The following LPA variants were observed in gnomAD, a reference collection of about 807,000 sequenced individuals.
LPA encodes the protein apolipoprotein(a).
A neutral mutation model predicts 197.9 loss-of-function variants in LPA; 199 were observed. The ratio of observed to expected loss-of-function variants is 1.01; its 90% CI spans 0.90 to 1.13. LPA has a LOEUF of 1.13. Among genes scored for constraint, LPA ranks in the 50% most tolerant of loss-of-function variants. The probability of loss-of-function intolerance (pLI) is 0.00; values close to 1 mark genes in which losing one functional copy is unlikely to be tolerated. For missense variants in LPA, 1,853 were observed against 1,785.8 expected, an observed-to-expected ratio of 1.04 and a Z score of -0.68; for synonymous variants, 715 against 639.5, an observed-to-expected ratio of 1.12 and a Z score of -1.78.
intron 34 of LPA, among the ~76,000 whole-genome samples, chr6:160,541,782 T>C (rs1331776216): frequency 6.6e-6 from 1 of 152,188 alleles, no homozygotes; most frequent in Non-Finnish European, 1.5e-5. Context: ...TGGCAGTATG[T>C]TGATAGTCAG....
At chr6:160,572,124 G>T (rs776212510) in intron 28 of LPA, among the ~76,000 whole-genome samples, 3 of 152,170 alleles carry the variant, frequency 2.0e-5, no homozygotes, top group Non-Finnish European at 2.9e-5. Flanking sequence ...TTTGGCTAGG[G>T]GAGGGAGTTC....
chr6:160,592,311 T>C (rs1779045582), intron 22 of LPA, among the ~76,000 whole-genome samples: 1 of 152,214 alleles, frequency 6.6e-6, no homozygotes, highest in Admixed American at 6.5e-5. Flanking sequence ...CCTACCATAA[T>C]ATCTAAACTG....
intron 2 of LPA, among the ~76,000 whole-genome samples, chr6:160,648,690 A>G (rs955255381): frequency 6.6e-6 from 1 of 151,948 alleles, no homozygotes; most frequent in African/African-American, 2.4e-5. Context: ...GAAATGTCTA[A>G]CTAGATGGGG....
Position 160,634,777 on chromosome 6 carries a change from C to T in LPA, c.1075+346G>A, listed in dbSNP as rs548511147. Among the ~76,000 whole-genome samples, 498 of 150,932 alleles carry T rather than the reference C, an allele frequency of 3.3e-3. 22 individuals are homozygous for T. Among genetic ancestry groups the T allele is most frequent in the African/African-American group, 0.012 (480 of 40,218 alleles). On this transcript the variant is annotated intron_variant, in intron 7 of 38. Coordinates refer to ENST00000316300, the MANE Select transcript of LPA (RefSeq NM_005577.4). The stretch of plus-strand genomic sequence containing the variant: ...CTGACTGCTGGCTACTTGAAGAAAT[C>T]CCCAGAAAAGCTTACTGCGACAGAA...
chr6:160,655,279 C>G (rs556898952), intron 1 of LPA, among the ~76,000 whole-genome samples: 21 of 152,200 alleles, frequency 1.4e-4, no homozygotes, highest in African/African-American at 4.8e-4. Flanking sequence ...CAGGGCCTTG[C>G]TCCAAAATCC....
At chr6:160,565,289 C>T (rs139706714) in intron 28 of LPA, among the ~76,000 whole-genome samples, 6,136 of 152,234 alleles carry the variant, frequency 0.04, 394 homozygotes, top group African/African-American at 0.14. Flanking sequence ...GGCCAACTGA[C>T]ACCTCATACA....
chr6:160,608,987 T>C (rs1160242099), intron 16 of LPA, among the ~76,000 whole-genome samples: 3 of 152,152 alleles, frequency 2.0e-5, no homozygotes, highest in Non-Finnish European at 4.4e-5. Context: ...AATTTTTTCT[T>C]TTAAGACATA....
intron 16 of LPA, among the ~76,000 whole-genome samples, chr6:160,609,067 G>T (rs1311952402): frequency 2.0e-5 from 3 of 151,916 alleles, no homozygotes; most frequent in Non-Finnish European, 4.4e-5. Context: ...TATTTTATCT[G>T]TTTTATTACA....
In LPA at chr6:160,547,945, A is replaced by G; in HGVS notation, c.5156-8T>C. 1 of 1,614,030 alleles carries G rather than the reference A, an allele frequency of 6.2e-7. No individual in the cohort carries two copies. Among genetic ancestry groups the G allele is most frequent in the Admixed American group, 1.7e-5 (1 of 60,014 alleles). ...CATTCCCAAACATACAGTCTGTAGA[A>G]AAAAATAAAAATAAAACAGATGATT... On this transcript the variant is annotated splice_region_variant and splice_polypyrimidine_tract_variant and intron_variant, in intron 31 of 38. Coordinates refer to ENST00000316300, the MANE Select transcript of LPA (RefSeq NM_005577.4).
intron 26 of LPA, among the ~76,000 whole-genome samples, chr6:160,579,287 T>C (rs1778745638): frequency 6.6e-6 from 1 of 152,156 alleles, no homozygotes; most frequent in South Asian, 2.1e-4. Flanking sequence ...AGTATTACTA[T>C]AAATACTGTA....
intron 1 of LPA, among the ~76,000 whole-genome samples, chr6:160,654,003 TAA>T (rs1562354665): frequency 0.017 from 520 of 29,934 alleles, 55 homozygotes; most frequent in Non-Finnish European, 0.022. Context: ...ATATTATATA[TAA>T]TATATATTAT....
Position 160,584,227 on chromosome 6 carries a change from CTT to C in LPA, c.4289+817_4289+818del, listed in dbSNP as rs1562331219. 8.4e-3 allele frequency among the ~76,000 whole-genome samples: 845 copies of C among 100,466 alleles called. 10 individuals are homozygous for C. The highest frequency in any genetic ancestry group is 0.033 in the Middle Eastern group (7 of 210). 65.9% of individuals were successfully genotyped at this position (100,466 alleles called of 152,430 possible). ...TCTTCTTCTTCTTCTTCTTCTTCTT[CTT>C]CTTCTTCTTCCTCCTCCTCCTCCTC... is the stretch of plus-strand genomic sequence containing the variant. On this transcript the variant is annotated intron_variant, in intron 26 of 38. Coordinates refer to ENST00000316300, the MANE Select transcript of LPA (RefSeq NM_005577.4).
chr6:160,540,174 C>A lies in LPA; in HGVS notation c.5604G>T (p.Arg1868Ser), dbSNP rs752311479. ...TAAHCLKKSS[R>S]PSSYKVILGA... is the part of the protein sequence containing the mutation. The stretch of plus-strand genomic sequence containing the variant: ...CCAGGATGACCTTGTAGGATGAAGG[C>A]CTTGAGGACCTAGAAAAGATGAGGA... Residue 1868 changes from arginine (R) to serine (S), a missense_variant, in exon 36 of 39, where the codon AGG (arginine) becomes AGT (serine). Arg to Ser is a moderately radical substitution (Grantham distance 110, BLOSUM62 -1). Transcript: ENST00000316300. 1 of 1,614,080 alleles carries A rather than the reference C, an allele frequency of 6.2e-7. No individual in the cohort carries two copies. The highest frequency in any genetic ancestry group is 1.7e-5 in the Admixed American group (1 of 60,020).
At chr6:160,591,222 G>C (rs1366407357) in intron 22 of LPA, 121 bp from the exon 23 acceptor site, 2 of 1,239,248 alleles carry the variant, frequency 1.6e-6, no homozygotes, top group South Asian at 1.3e-5. Flanking sequence ...TCTCACTAAA[G>C]GTCCTGTAAC....
intron 20 of LPA, among the ~76,000 whole-genome samples, chr6:160,596,666 C>G (rs190189501): frequency 6.6e-6 from 1 of 152,202 alleles, no homozygotes; most frequent in African/African-American, 2.4e-5. Flanking sequence ...TAAAAAGGGC[C>G]AATAGCATCT....
intron 35 of LPA, among the ~76,000 whole-genome samples, chr6:160,540,474 T>C (rs1777963790): frequency 6.6e-6 from 1 of 152,246 alleles, no homozygotes; most frequent in African/African-American, 2.4e-5. Context: ...GTTTGGATCA[T>C]AGAGGTGCAT....
At chr6:160,538,392 T>G (rs1269302282) in intron 36 of LPA, among the ~76,000 whole-genome samples, 1 of 152,204 alleles carries the variant, frequency 6.6e-6, no homozygotes, top group Non-Finnish European at 1.5e-5. Context: ...CAGAGCAAGT[T>G]GCTCCATCTG....
chr6:160,557,407 T>C lies in LPA; in HGVS notation c.4796A>G (p.Glu1599Gly), dbSNP rs1778282020. 2 of 1,614,140 alleles carry C rather than the reference T, an allele frequency of 1.2e-6. No homozygotes were observed. The highest frequency in any genetic ancestry group is 1.7e-6 in the Non-Finnish European group (2 of 1,180,020). ...TPTVVPVPSM[E>G]AHSEAAPTEQ... is the part of the protein sequence containing the mutation. ...CTTCTTACCTGCTTCAGAATGAGCC[T>C]CCATGCTTGGAACTGGAACAACAGT... Residue 1599 changes from glutamate (E) to glycine (G), a missense_variant, in exon 29 of 39, where the codon GAG (glutamate) becomes GGG (glycine). Physicochemically the swap from Glu to Gly is moderately conservative, Grantham distance 98 (BLOSUM62 -2). Coordinates refer to ENST00000316300, the MANE Select transcript of LPA (RefSeq NM_005577.4).
In LPA at chr6:160,594,086, A is replaced by G. The variant is rs200553919; in HGVS notation, c.3501T>C (p.Asp1167=). ...APTEQSPGVQ[D]CYHGDGQSYR... ...AACTCTGTCCATCACCATGGTAGCAATCCTGGACCCCGGGGCTTTGCTCCG... is the reference window on the plus strand; with the variant it reads ...AACTCTGTCCATCACCATGGTAGCAGTCCTGGACCCCGGGGCTTTGCTCCG... Residue 1167 remains aspartate (D), a synonymous_variant, in exon 22 of 39, where the codon GAT becomes GAC. Coordinates refer to ENST00000316300, the MANE Select transcript of LPA (RefSeq NM_005577.4). 128 of 1,613,882 alleles carry G rather than the reference A, an allele frequency of 7.9e-5. No individual in the cohort carries two copies. In the African/African-American group the frequency reaches 1.6e-3, roughly 20 times the overall value.
Sources: allele counts gnomAD v4.1 joint callset (sites outside exome capture counted in the v4.1 genomes callset), GRCh38; gene constraint gnomAD v4.1.1; transcripts MANE v1.5; gene names NCBI Gene and HGNC (gene_info 2026-07-23, HGNC 2026-07-21).